MYT1L: variants seen among roughly 807,000 people sequenced by gnomAD.
MYT1L encodes myelin transcription factor 1 like.
Under a neutral mutation model 126.7 loss-of-function variants are expected in MYT1L, and 12 were observed. That is an observed-to-expected ratio of 0.09 (90% CI 0.06 to 0.15). MYT1L has a LOEUF of 0.15. Among genes scored for constraint, MYT1L ranks in the 10% least tolerant of loss-of-function variants. The pLI is 1.00. For synonymous variants in MYT1L, 541 were observed against 604.2 expected (o/e 0.90, Z 1.53); for missense variants, 979 against 1,585.2 (o/e 0.62, Z 6.49).
At chr2:2,057,943 C>G (rs1347987857) in intron 3 of MYT1L, among the ~76,000 whole-genome samples, 3 of 152,160 alleles carry the variant, frequency 2.0e-5, no homozygotes, top group Admixed American at 6.5e-5. Context: ...TTCCATCTCT[C>G]TGGGATTAAT....
At chr2:1,863,963 A>G (rs1452680952) in intron 18 of MYT1L, among the ~76,000 whole-genome samples, 1 of 152,176 alleles carries the variant, frequency 6.6e-6, no homozygotes, top group Non-Finnish European at 1.5e-5. Flanking sequence ...CACCCTCAGG[A>G]GAGGAGCTCA....
chr2:1,966,734 T>C (rs2059391245), intron 8 of MYT1L, among the ~76,000 whole-genome samples: 2 of 150,902 alleles, frequency 1.3e-5, no homozygotes, highest in East Asian at 2.0e-4. Flanking sequence ...CTAAAACATT[T>C]AATGGGTATT....
chr2:1,872,152 C>A (rs931820789), intron 18 of MYT1L, among the ~76,000 whole-genome samples: 3 of 152,136 alleles, frequency 2.0e-5, no homozygotes, highest in Admixed American at 6.5e-5. Flanking sequence ...GGCTTGGAAT[C>A]TACATGAACG....
chr2:2,113,984 T>C (rs2079859381), intron 3 of MYT1L, among the ~76,000 whole-genome samples: 1 of 151,792 alleles, frequency 6.6e-6, no homozygotes, highest in Non-Finnish European at 1.5e-5. Context: ...ACTGCCTCCA[T>C]TACACAGATA....
At chr2:2,171,706 G>GT (rs151205032) in intron 3 of MYT1L, among the ~76,000 whole-genome samples, 81 of 152,294 alleles carry the variant, frequency 5.3e-4, no homozygotes, top group African/African-American at 1.9e-3. Context: ...AATGAGTGCA[G>GT]TGAGTTTCTT....
At position 1,848,598 on chromosome 2, in the gene MYT1L, G is replaced by A. The variant is rs1055745848; in HGVS notation, c.2774+3043C>T. 2.0e-5 allele frequency among the ~76,000 whole-genome samples: 3 copies of A among 152,106 alleles called. No homozygotes were observed. Among genetic ancestry groups the A allele is most frequent in the African/African-American group, 7.2e-5 (3 of 41,424 alleles). ...GGTAACATTATCTTCCTGTTCCTGG[G>A]AAACAGACAATAGAAGATTAACATG... On this transcript the variant is annotated intron_variant, in intron 19 of 24. Coordinates refer to ENST00000647738, the MANE Select transcript of MYT1L (RefSeq NM_001303052.2). The surrounding 1 kb of genome is among the most constrained non-coding windows in gnomAD (Gnocchi z 4.8).
At chr2:1,898,803 G>A (rs2049960205) in intron 14 of MYT1L, among the ~76,000 whole-genome samples, 1 of 152,202 alleles carries the variant, frequency 6.6e-6, no homozygotes, top group Non-Finnish European at 1.5e-5. Flanking sequence ...GGGAAGTCGG[G>A]CAGGTGGAGG....
chr2:1,956,750 G>A (rs1051011878), intron 8 of MYT1L, among the ~76,000 whole-genome samples: 71 of 151,994 alleles, frequency 4.7e-4, no homozygotes, highest in Non-Finnish European at 6.5e-4. Context: ...AAGTTGACAA[G>A]AGATATAATA....
intron 2 of MYT1L, among the ~76,000 whole-genome samples, chr2:2,272,850 A>C (rs4241302): frequency 0.99 from 150,997 of 152,222 alleles, 74,904 homozygotes; most frequent in Middle Eastern, 1. Flanking sequence ...ACCCCATGAC[A>C]ACTGGGTCAG....
chr2:1,851,464 G>A (rs191648067), intron 19 of MYT1L, among the ~76,000 whole-genome samples, 177 bp downstream of exon 19: 1 of 152,294 alleles, frequency 6.6e-6, no homozygotes, highest in East Asian at 1.9e-4. Context: ...AGGAAGGTTT[G>A]CTTTCTAAGA....
rs1490204011 is a variant in MYT1L, at chr2:2,217,704, AAC to A, written c.-420-44718_-420-44717del. On this transcript the variant is annotated intron_variant, in intron 2 of 24. Transcript: ENST00000647738. Reference sequence around the variant, plus strand: ...CAACAACAACAACAACAACAACAACAACAAAAAAAAAAAAAGAAAGAAGGAAA... The same window carrying A: ...CAACAACAACAACAACAACAACAACAAAAAAAAAAAAAAGAAAGAAGGAAA... Among the ~76,000 whole-genome samples, 1,054 of 115,914 alleles carry A rather than the reference AAC, an allele frequency of 9.1e-3. 27 individuals carry two copies. The highest frequency in any genetic ancestry group is 0.02 in the African/African-American group (464 of 23,192). The allele number at this position is 115,914 out of a possible 152,430, so 76.0% of individuals were successfully genotyped here. A position where few individuals can be genotyped will look rare whatever the true frequency, so the allele number is the denominator to read the frequency against.
intron 2 of MYT1L, among the ~76,000 whole-genome samples, chr2:2,219,308 G>A (rs1459160028): frequency 6.6e-6 from 1 of 152,176 alleles, no homozygotes; most frequent in Non-Finnish European, 1.5e-5. Flanking sequence ...ACTGCAGACT[G>A]AGAGGGTTTA....
Position 1,948,709 on chromosome 2 carries a change from C to A in MYT1L, c.153-5375G>T, listed in dbSNP as rs184583924. ...TGAAGGGCTCAGCCCAGGACCTCAG[C>A]TCACCCTGTCAGTGCCTCAGAGATG... On this transcript the variant is annotated intron_variant, in intron 8 of 24. Transcript: ENST00000647738. Among the ~76,000 whole-genome samples, 90 of 152,308 alleles carry A rather than the reference C, an allele frequency of 5.9e-4. 2 individuals are homozygous for A. The highest frequency in any genetic ancestry group is 5.8e-3 in the Admixed American group (89 of 15,302).
intron 13 of MYT1L, among the ~76,000 whole-genome samples, chr2:1,907,713 T>C (rs2051278605): frequency 6.6e-6 from 1 of 152,274 alleles, no homozygotes; most frequent in Non-Finnish European, 1.5e-5. Context: ...ACTTTTTGAA[T>C]CGTAACTAGT....
chr2:2,072,461 C>T (rs1307371105), intron 3 of MYT1L, among the ~76,000 whole-genome samples: 1 of 152,198 alleles, frequency 6.6e-6, no homozygotes, highest in East Asian at 1.9e-4. Context: ...GAATCGTCTT[C>T]CTGTCCTCAA....
intron 11 of MYT1L, among the ~76,000 whole-genome samples, chr2:1,915,607 T>C (rs1485379812): frequency 6.6e-6 from 1 of 152,246 alleles, no homozygotes; most frequent in Non-Finnish European, 1.5e-5. Flanking sequence ...TGCCTCACTT[T>C]GCAGATGAGG....
At chr2:1,820,000 C>A (rs7603529) in intron 21 of MYT1L, among the ~76,000 whole-genome samples, 62,915 of 150,614 alleles carry the variant, frequency 0.42, 14,056 homozygotes, top group East Asian at 0.67. Flanking sequence ...TGGCAGCAGC[C>A]TGGAGGATGC....
At chr2:2,187,208 G>A (rs528818761) in intron 2 of MYT1L, among the ~76,000 whole-genome samples, 3 of 151,978 alleles carry the variant, frequency 2.0e-5, no homozygotes, top group Non-Finnish European at 4.4e-5. Flanking sequence ...CCTTTGATGA[G>A]CTTCCCCCAG....
At chr2:1,846,479 T>C (rs6721023) in intron 19 of MYT1L, among the ~76,000 whole-genome samples, 66,824 of 151,960 alleles carry the variant, frequency 0.44, 15,600 homozygotes, top group East Asian at 0.67. Context: ...AAGGGAGAGC[T>C]CTGTGTTCTC....
Sources: allele counts gnomAD v4.1 joint callset (sites outside exome capture counted in the v4.1 genomes callset), GRCh38; gene constraint gnomAD v4.1.1; non-coding constraint Gnocchi (gnomAD v3.1); transcripts MANE v1.5; gene names NCBI Gene and HGNC (gene_info 2026-07-23, HGNC 2026-07-21).